Variants in RPL21 observed in about 807,000 individuals in gnomAD.
RPL21 encodes the protein large ribosomal subunit protein eL21.
Under a neutral mutation model 21.2 loss-of-function variants are expected in RPL21, and 1 was observed. That is an observed-to-expected ratio of 0.05 (90% CI 0.02 to 0.22). The LOEUF is 0.22. Among genes scored for constraint, RPL21 ranks in the 10% least tolerant of loss-of-function variants. RPL21 has a pLI of 1.00. For synonymous variants in RPL21, 52 were observed against 62.9 expected (o/e 0.83, Z 0.82); for missense variants, 113 against 199.4 (o/e 0.57, Z 2.61).
rs1364017310 is a variant in RPL21 at position 27,255,950 on chromosome 13, G to GT, written c.243-231dup. 19 of 499,546 alleles carry GT rather than the reference G, an allele frequency of 3.8e-5. No individual in the cohort carries two copies. In the East Asian group the frequency reaches 7.1e-4, roughly 19 times the overall value. 30.9% of individuals were successfully genotyped at this position (499,546 alleles called of 1,614,324 possible). Reference sequence around the variant, plus strand: ...AGCAGTCTGGTTTTAGATTACTAGAGTTTAAGAGACCATCATCTCATCAAA... The same window carrying GT: ...AGCAGTCTGGTTTTAGATTACTAGAGTTTTAAGAGACCATCATCTCATCAAA... On this transcript the variant is annotated intron_variant, in intron 4 of 5. Transcript: ENST00000311549.
Position 27,256,164 on chromosome 13 carries a change from A to G in RPL21, c.243-20A>G, listed in dbSNP as rs778879511. Reference sequence around the variant, plus strand: ...TTATATTTTTGTTAAAGCACTTAAAAGAATTTCTGCTCTGTCCAGGGGCAA... The same window carrying G: ...TTATATTTTTGTTAAAGCACTTAAAGGAATTTCTGCTCTGTCCAGGGGCAA... On this transcript the variant is annotated intron_variant, in intron 4 of 5. Coordinates refer to ENST00000311549, the MANE Select transcript of RPL21 (RefSeq NM_000982.4). 3 of 1,574,314 alleles carry G rather than the reference A, an allele frequency of 1.9e-6. No individual in the cohort carries two copies. The African/African-American group carries it at 4.1e-5, about 21-fold the overall frequency.
At chr13:27,255,610 C>T (rs7325446) in intron 4 of RPL21, 14 of 581,184 alleles carry the variant, frequency 2.4e-5, no homozygotes, top group African/African-American at 7.3e-5. Context: ...CTTGCTCTGT[C>T]GCCCTGGCTG....
intron 3 of RPL21, 30 bp from the exon 4 acceptor site, chr13:27,255,212 G>C: frequency 1.2e-6 from 1 of 868,662 alleles, no homozygotes; most frequent in Non-Finnish European, 2.0e-6. Flanking sequence ...AAGGGGAAAT[G>C]CTGGTATATA....
At chr13:27,252,115 G>A (rs753024715) in intron 1 of RPL21, among the ~76,000 whole-genome samples, 2 of 152,148 alleles carry the variant, frequency 1.3e-5, no homozygotes, top group African/African-American at 2.4e-5. Context: ...CCGGGCTCTC[G>A]GTCGGAGAGT....
At position 27,254,302 on chromosome 13, in the gene RPL21, A is replaced by G. The variant is rs747683008; in HGVS notation, c.129+21A>G. 1.0e-5 allele frequency: 14 copies of G among 1,398,928 alleles called. No homozygotes were observed. The South Asian group carries it at 1.6e-4, about 16-fold the overall frequency. The allele number at this position is 1,398,928 out of a possible 1,614,324, so 86.7% of individuals were successfully genotyped here. A position where few individuals can be genotyped will look rare whatever the true frequency, so the allele number is the denominator to read the frequency against. The stretch of plus-strand genomic sequence containing the variant: ...TCAAGGTAAACATAAAATTGGGAAA[A>G]TAACACTACAGAAGATAGAAAAGTT... On this transcript the variant is annotated intron_variant, in intron 3 of 5. Transcript: ENST00000311549.
intron 3 of RPL21, 101 bp from the exon 4 acceptor site, chr13:27,255,141 G>C (rs1881837303): frequency 1.3e-6 from 1 of 780,622 alleles, no homozygotes; most frequent in East Asian, 2.4e-5. Context: ...AAGCTCTTGA[G>C]TTGCCATTTG....
chr13:27,252,355 A>C (rs1300180808), intron 1 of RPL21, among the ~76,000 whole-genome samples: 1 of 152,174 alleles, frequency 6.6e-6, no homozygotes, highest in African/African-American at 2.4e-5. Context: ...CATTTTGTCT[A>C]GTTTGTGGAC....
intron 4 of RPL21, 200 bp from the exon 5 acceptor site, chr13:27,255,984 A>G: frequency 1.7e-6 from 1 of 573,106 alleles, no homozygotes; most frequent in East Asian, 3.1e-5. Context: ...AAGAGAGTTA[A>G]AAGTAGGGAT....
chr13:27,254,411 T>TTTTTTTGG (rs56287071), intron 3 of RPL21, 130 bp downstream of exon 3: 2 of 647,116 alleles, frequency 3.1e-6, no homozygotes, highest in African/African-American at 1.9e-5. Context: ...TTTTTTTTTT[T>TTTTTTTGG]GGAGACGGAG....
chr13:27,252,554 A>G (rs1168239603), intron 1 of RPL21, among the ~76,000 whole-genome samples: 1 of 152,212 alleles, frequency 6.6e-6, no homozygotes, highest in East Asian at 1.9e-4. Context: ...GGGCTCTGGA[A>G]TCAGGAATGA....
At chr13:27,255,532 T>C (rs753110528) in intron 4 of RPL21, 178 bp downstream of exon 4, 13 of 755,974 alleles carry the variant, frequency 1.7e-5, no homozygotes, top group South Asian at 1.1e-4. Context: ...CAAATTGAAA[T>C]AGATTTACTG....
At chr13:27,253,606 A>G in intron 1 of RPL21, 159 bp from the exon 2 acceptor site, 1 of 607,814 alleles carries the variant, frequency 1.6e-6, no homozygotes, top group Non-Finnish European at 3.0e-6. Flanking sequence ...TGCTAAAATA[A>G]TGATTTTTTA....
chr13:27,254,187 T>A, intron 2 of RPL21, 33 bp from the exon 3 acceptor site: 1 of 1,373,906 alleles, frequency 7.3e-7, no homozygotes, highest in Non-Finnish European at 1.0e-6. Flanking sequence ...ATTTTTAGCC[T>A]TAATACTCAC....
chr13:27,255,594 C>A (rs113662991), intron 4 of RPL21: 1 of 640,262 alleles, frequency 1.6e-6, no homozygotes, highest in African/African-American at 1.8e-5. Flanking sequence ...TGTTTCGAGA[C>A]GGAGTCTTGC....
chr13:27,254,269 T>G lies in RPL21; in HGVS notation c.117T>G (p.Ile39Met). 1 of 1,586,256 alleles carries G rather than the reference T, an allele frequency of 6.3e-7. No individual in the cohort carries two copies. The highest frequency in any genetic ancestry group is 8.7e-7 in the Non-Finnish European group (1 of 1,154,580). The change falls in exon 3 of 6, where the codon ATT becomes ATG. Residue 39 changes from isoleucine to methionine, a missense_variant. Coordinates refer to ENST00000311549, the MANE Select transcript of RPL21 (RefSeq NM_000982.4). The stretch of plus-strand genomic sequence containing the variant: ...TGCGAATCTATAAGAAAGGTGATAT[T>G]GTAGACATCAAGGTAAACATAAAAT... ...TYMRIYKKGD[I>M]VDIKGMGTVQ...
In RPL21 at chr13:27,254,017, C is replaced by CT. The variant is rs542436754; in HGVS notation, c.67+175dup. 8.5e-5 allele frequency among the ~76,000 whole-genome samples: 13 copies of CT among 152,244 alleles called. No homozygotes were observed. The East Asian group carries it at 2.5e-3, about 29-fold the overall frequency. On this transcript the variant is annotated intron_variant, in intron 2 of 5. Transcript: ENST00000311549. ...CCAAAATTATATGGTGATTTTGTGA[C>CT]TAAGTATTGATGCAAGATTAAACTT...
chr13:27,256,093 G>C (rs1040613024), intron 4 of RPL21, 91 bp from the exon 5 acceptor site: 32 of 962,224 alleles, frequency 3.3e-5, no homozygotes, highest in African/African-American at 1.1e-4. Flanking sequence ...AAGGTTTATG[G>C]TTTATTTAAT....
chr13:27,254,365 T>C (rs1881789137), intron 3 of RPL21, 84 bp downstream of exon 3: 2 of 767,036 alleles, frequency 2.6e-6, no homozygotes, highest in African/African-American at 3.5e-5. Flanking sequence ...TACTAGTGTA[T>C]GTTGCATCTG....
At chr13:27,253,721 G>A (rs1424667143) in intron 1 of RPL21, 44 bp from the exon 2 acceptor site, 9 of 1,076,946 alleles carry the variant, frequency 8.4e-6, no homozygotes, top group Non-Finnish European at 1.3e-5. Flanking sequence ...TGGGGCAAAT[G>A]CCAGTTTTCA....
Sources: allele counts gnomAD v4.1 joint callset (sites outside exome capture counted in the v4.1 genomes callset), GRCh38; gene constraint gnomAD v4.1.1; transcripts MANE v1.5; gene names NCBI Gene and HGNC (gene_info 2026-07-23, HGNC 2026-07-21).